The following TBC1D12 variants were observed in gnomAD, a reference collection of about 807,000 sequenced individuals.
The protein encoded by TBC1D12 is TBC1 domain family, member 12.
TBC1D12 carries 56 observed loss-of-function variants against 86.7 expected under a neutral mutation model. The ratio of observed to expected loss-of-function variants is 0.65; its 90% CI spans 0.52 to 0.81. The LOEUF (loss-of-function observed/expected upper bound fraction) is 0.81. TBC1D12 is among the 30% of genes least tolerant of loss of function. TBC1D12 has a pLI of 0.00. For synonymous variants in TBC1D12, 421 were observed against 411.7 expected, an observed-to-expected ratio of 1.02 and a Z score of -0.27; for missense variants, 1,023 against 1,038.8, an observed-to-expected ratio of 0.98 and a Z score of 0.21.
intron 1 of TBC1D12, among the ~76,000 whole-genome samples, chr10:94,433,961 TAA>T (rs2055256836): frequency 6.6e-6 from 1 of 152,080 alleles, no homozygotes; most frequent in Non-Finnish European, 1.5e-5. Context: ...AAAAAAACAA[TAA>T]AATTTGTTCA....
chr10:94,505,502 G>A (rs1000452484), intron 6 of TBC1D12, among the ~76,000 whole-genome samples: 3 of 152,202 alleles, frequency 2.0e-5, no homozygotes, highest in African/African-American at 4.8e-5. Context: ...GAACCCGGGA[G>A]GGGGAGGTTG....
chr10:94,505,490 T>G (rs1426122550), intron 6 of TBC1D12, among the ~76,000 whole-genome samples: 1 of 152,148 alleles, frequency 6.6e-6, no homozygotes, highest in Non-Finnish European at 1.5e-5. Flanking sequence ...TGAGAATTGC[T>G]TGAACCCGGG....
chr10:94,431,326 A>T (rs2055212059), intron 1 of TBC1D12, among the ~76,000 whole-genome samples: 1 of 151,886 alleles, frequency 6.6e-6, no homozygotes, highest in South Asian at 2.1e-4. Flanking sequence ...AAGGCACGAG[A>T]ATCGCTTGAA....
rs766045420 is a variant in TBC1D12, at chr10:94,441,921, G to T, written c.997G>T (p.Glu333Ter). The change falls in exon 2 of 13, where the codon GAA becomes TAA. Residue 333 changes from glutamate to a stop codon, truncating the protein, a stop_gained. Transcript: ENST00000225235. LOFTEE classifies it high-confidence loss of function. ...AAACCTTTTTCCAAAAAGGACAAAG[G>T]AACTCAAATCAGTTGTCCATAGTGC... ...TRNLFPKRTK[E>*]LKSVVHSAPG... is the part of the protein sequence containing the mutation. The T allele has an allele frequency of 6.2e-7, 1 of 1,612,830 alleles. No homozygotes were observed. Among genetic ancestry groups the T allele is most frequent in the Non-Finnish European group, 8.5e-7 (1 of 1,179,494 alleles).
At chr10:94,404,800 C>A (rs1301770634) in intron 1 of TBC1D12, among the ~76,000 whole-genome samples, 1 of 151,894 alleles carries the variant, frequency 6.6e-6, no homozygotes, top group Non-Finnish European at 1.5e-5. Flanking sequence ...GTAATCCCAG[C>A]ACTTTGGGAG....
intron 12 of TBC1D12, among the ~76,000 whole-genome samples, chr10:94,532,392 T>G (rs919504281): frequency 1.3e-5 from 2 of 152,126 alleles, no homozygotes; most frequent in Non-Finnish European, 2.9e-5. Flanking sequence ...TTAGCCAGGA[T>G]GGTCTCGATC....
rs753755596 is a variant in TBC1D12 at position 94,510,095 on chromosome 10, A to G, written c.1605A>G (p.Val535=). 40 of 1,608,078 alleles carry G rather than the reference A, an allele frequency of 2.5e-5. No individual in the cohort carries two copies. The highest frequency in any genetic ancestry group is 3.1e-5 in the Non-Finnish European group (36 of 1,178,182). Reference sequence around the variant, plus strand: ...GTATCTGCTTGGTAAATGCAGGTGTATCTGTTGCTGATCGAGAGGCCAGTC... The same window carrying G: ...GTATCTGCTTGGTAAATGCAGGTGTGTCTGTTGCTGATCGAGAGGCCAGTC... ...ETSSENDTEG[V]SVADREASLE... The change falls in exon 8 of 13, where the codon GTA becomes GTG. Residue 535 remains valine (V), a synonymous_variant. Coordinates refer to ENST00000225235, the MANE Select transcript of TBC1D12 (RefSeq NM_015188.2).
At chr10:94,514,790 G>A (rs1041599997) in intron 9 of TBC1D12, among the ~76,000 whole-genome samples, 17 of 151,908 alleles carry the variant, frequency 1.1e-4, no homozygotes, top group African/African-American at 3.6e-4. Flanking sequence ...CCAGAAGTGA[G>A]ATTGCTGGAC....
rs1381915019 is a variant in TBC1D12, at chr10:94,402,737, G to T, written c.124G>T (p.Gly42Cys). The T allele has an allele frequency of 6.4e-7, 1 of 1,559,802 alleles. No individual in the cohort carries two copies. The highest frequency in any genetic ancestry group is 8.7e-7 in the Non-Finnish European group (1 of 1,151,998). Residue 42 changes from glycine (G) to cysteine (C), a missense_variant, in exon 1 of 13, where the codon GGC becomes TGC. Gly to Cys is a radical substitution (Grantham distance 159). Transcript: ENST00000225235. ...CCGGGCCACGGGCGGCTTTGGCGGA[G>T]GCGTCGGCGCTGTGGAGCCGCCGGA... ...VIRATGGFGGGVGAVEPPEEA... is the reference protein window; with the variant it reads ...VIRATGGFGGCVGAVEPPEEA...
chr10:94,449,704 T>C (rs2055521435), intron 2 of TBC1D12, among the ~76,000 whole-genome samples: 1 of 152,238 alleles, frequency 6.6e-6, no homozygotes, highest in African/African-American at 2.4e-5. Context: ...GTTCCTACTG[T>C]CCATTGAAAC....
In TBC1D12 at chr10:94,520,757, T is replaced by A. The variant is rs553998032; in HGVS notation, c.1762-1198T>A. On this transcript the variant is annotated intron_variant, in intron 9 of 12. Transcript: ENST00000225235. ...TTACTGCAAGCTCCGCCTCCCAGGT[T>A]CACGCCATTCTCCTGCCTCAGCCTC... Among the ~76,000 whole-genome samples, 4 of 151,718 alleles carry A rather than the reference T, an allele frequency of 2.6e-5. No individual in the cohort carries two copies. The East Asian group carries it at 8.0e-4, about 30-fold the overall frequency.
At chr10:94,505,341 G>A (rs745351519) in intron 6 of TBC1D12, among the ~76,000 whole-genome samples, 1 of 152,186 alleles carries the variant, frequency 6.6e-6, no homozygotes, top group Non-Finnish European at 1.5e-5. Context: ...CACTTTGGGA[G>A]GCCGAGGCAG....
At chr10:94,514,916 T>C (rs2056570682) in intron 9 of TBC1D12, among the ~76,000 whole-genome samples, 2 of 147,056 alleles carry the variant, frequency 1.4e-5, no homozygotes, top group South Asian at 2.2e-4. Flanking sequence ...TCTTTTTTTT[T>C]TTTTTTTTTG....
chr10:94,421,269 G>A (rs1297546803), intron 1 of TBC1D12, among the ~76,000 whole-genome samples: 1 of 152,100 alleles, frequency 6.6e-6, no homozygotes, highest in Admixed American at 6.6e-5. Context: ...ATATAAGTGA[G>A]ATCATGTGGT....
intron 2 of TBC1D12, among the ~76,000 whole-genome samples, chr10:94,467,844 A>AT (rs2055847784): frequency 6.6e-6 from 1 of 152,088 alleles, no homozygotes; most frequent in South Asian, 2.1e-4. Flanking sequence ...TAATGTTTTT[A>AT]TTTTTTGTAG....
chr10:94,492,228 T>G lies in TBC1D12; in HGVS notation c.1212-1137T>G, dbSNP rs558869272. Among the ~76,000 whole-genome samples the G allele has an allele frequency of 5.3e-5, 8 of 152,350 alleles. No individual in the cohort carries two copies. In the East Asian group the frequency reaches 1.5e-3, roughly 29 times the overall value. On this transcript the variant is annotated intron_variant, in intron 3 of 12. Transcript: ENST00000225235. ...AAAACCTGGTATATATAGGGTTTGT[T>G]ACTGTCTGAGGTTTCAGGCATCCAC...
chr10:94,501,096 G>GAATGAATA lies in TBC1D12; in HGVS notation c.1519+772_1519+773insGAATAAAT, dbSNP rs528540415. Reference sequence around the variant, plus strand: ...TAAATGAATGAATGAATGAATGAATGAATAAATAAATAAATAAATAAAATA... The same window carrying GAATGAATA: ...TAAATGAATGAATGAATGAATGAATGAATGAATAAATAAATAAATAAATAAATAAAATA... On this transcript the variant is annotated intron_variant, in intron 6 of 12. Transcript: ENST00000225235. Among the ~76,000 whole-genome samples the GAATGAATA allele has an allele frequency of 2.2e-3, 326 of 148,968 alleles. 2 individuals are homozygous for GAATGAATA. The highest frequency in any genetic ancestry group is 3.3e-3 in the Non-Finnish European group (224 of 67,454).
rs556037248 is a variant in TBC1D12, at chr10:94,410,746, G to T, written c.971+7162G>T. ...TTTAAGAGCAAAAACTTAGCTTTTG[G>T]TGTAGTGAAAATACAATGCCTGAGA... is the stretch of plus-strand genomic sequence containing the variant. On this transcript the variant is annotated intron_variant, in intron 1 of 12. Coordinates refer to ENST00000225235, the MANE Select transcript of TBC1D12 (RefSeq NM_015188.2). Among the ~76,000 whole-genome samples the T allele has an allele frequency of 9.3e-4, 141 of 152,234 alleles. 1 individual carries two copies. The highest frequency in any genetic ancestry group is 3.3e-3 in the African/African-American group (138 of 41,538).
At chr10:94,405,182 G>A (rs1175832191) in intron 1 of TBC1D12, among the ~76,000 whole-genome samples, 3 of 151,652 alleles carry the variant, frequency 2.0e-5, no homozygotes, top group Non-Finnish European at 2.9e-5. Context: ...CCTTTACAGA[G>A]TTCTCCCTAC....
Sources: allele counts gnomAD v4.1 joint callset (sites outside exome capture counted in the v4.1 genomes callset), GRCh38; gene constraint gnomAD v4.1.1; transcripts MANE v1.5; gene names NCBI Gene and HGNC (gene_info 2026-07-23, HGNC 2026-07-21).